Variants in GRIK4 observed in about 807,000 individuals in gnomAD.
GRIK4 encodes the protein glutamate receptor ionotropic, kainate 4.
A neutral mutation model predicts 104.9 loss-of-function variants in GRIK4; 40 were observed. The observed-to-expected ratio is 0.38, with a 90% CI of 0.30 to 0.50. The LOEUF is 0.50. Ranked by LOEUF, GRIK4 falls within the 20% of genes least tolerant of loss-of-function variation. The pLI is 0.93. For missense variants in GRIK4, 1,047 were observed against 1,308.1 expected, an observed-to-expected ratio of 0.80 and a Z score of 3.08; for synonymous variants, 485 against 524.9, an observed-to-expected ratio of 0.92 and a Z score of 1.04.
chr11:120,630,541 G>C (rs1274155346), intron 1 of GRIK4, among the ~76,000 whole-genome samples: 1 of 152,190 alleles, frequency 6.6e-6, no homozygotes, highest in Non-Finnish European at 1.5e-5. Context: ...GCAAAGAAAA[G>C]CAGACGCCGG....
At chr11:120,713,417 A>G (rs967822096) in intron 3 of GRIK4, among the ~76,000 whole-genome samples, 1 of 152,164 alleles carries the variant, frequency 6.6e-6, no homozygotes, top group Non-Finnish European at 1.5e-5. Context: ...AAACTCCATA[A>G]AGAGAGCAGG....
intron 3 of GRIK4, among the ~76,000 whole-genome samples, chr11:120,725,134 G>A (rs947023958): frequency 2.0e-5 from 3 of 152,226 alleles, no homozygotes; most frequent in East Asian, 3.9e-4. Context: ...ATAGAAAAGG[G>A]GCCTTACAAA....
chr11:120,748,738 A>G (rs1951492571), intron 3 of GRIK4, among the ~76,000 whole-genome samples: 1 of 152,124 alleles, frequency 6.6e-6, no homozygotes, highest in Admixed American at 6.6e-5. Flanking sequence ...CTCCCTGGTC[A>G]CCATTTGCTC....
At chr11:120,533,118 G>A (rs1770690756) in intron 1 of GRIK4, among the ~76,000 whole-genome samples, 1 of 152,148 alleles carries the variant, frequency 6.6e-6, no homozygotes, top group African/African-American at 2.4e-5. Flanking sequence ...CTTCCTGGAG[G>A]AGGAGTAACC....
chr11:120,860,976 G>A (rs192703786), intron 8 of GRIK4, among the ~76,000 whole-genome samples: 1 of 151,922 alleles, frequency 6.6e-6, no homozygotes, highest in African/African-American at 2.4e-5. Context: ...TATCCAGTGT[G>A]CTAACCCACA....
At chr11:120,626,331 G>C (rs911788857) in intron 1 of GRIK4, among the ~76,000 whole-genome samples, 1 of 152,132 alleles carries the variant, frequency 6.6e-6, no homozygotes, top group African/African-American at 2.4e-5. Context: ...AGGGGAAAAT[G>C]GGTTTAAATG....
At chr11:120,544,736 G>T (rs1328158782) in intron 1 of GRIK4, among the ~76,000 whole-genome samples, 1 of 152,168 alleles carries the variant, frequency 6.6e-6, no homozygotes, top group East Asian at 1.9e-4. Context: ...TGGAAAGGAG[G>T]TGTCTTGTGG....
chr11:120,553,273 T>C, intron 1 of GRIK4, among the ~76,000 whole-genome samples: 1 of 152,142 alleles, frequency 6.6e-6, no homozygotes, highest in East Asian at 1.9e-4. Context: ...GACAGGAGCC[T>C]TCTGAAGAGA....
chr11:120,584,443 C>T (rs1290190048), intron 1 of GRIK4, among the ~76,000 whole-genome samples: 2 of 152,176 alleles, frequency 1.3e-5, no homozygotes, highest in African/African-American at 4.8e-5. Context: ...AGCTTACAAT[C>T]ATGGTGGAAG....
chr11:120,650,496 T>TC (rs540872133), intron 1 of GRIK4, among the ~76,000 whole-genome samples: 5 of 152,248 alleles, frequency 3.3e-5, no homozygotes, highest in African/African-American at 1.2e-4. Context: ...GCTCTTCGCA[T>TC]CCCCCCTCCC....
chr11:120,845,961 G>A lies in GRIK4; in HGVS notation c.744+9117G>A, dbSNP rs148770962. On this transcript the variant is annotated intron_variant, in intron 8 of 20. Transcript: ENST00000527524. Reference sequence around the variant, plus strand: ...AACCCTGAGAGGTGGCAGGTCTGGCGGTGACAGATGTCTCCTGGGCGTGCT... The same window carrying A: ...AACCCTGAGAGGTGGCAGGTCTGGCAGTGACAGATGTCTCCTGGGCGTGCT... Among the ~76,000 whole-genome samples, 251 of 152,318 alleles carry A rather than the reference G, an allele frequency of 1.6e-3. 2 individuals are homozygous for A. Among genetic ancestry groups the A allele is most frequent in the African/African-American group, 5.7e-3 (237 of 41,564 alleles).
chr11:120,753,690 A>G (rs1328148727), intron 3 of GRIK4, among the ~76,000 whole-genome samples: 1 of 152,170 alleles, frequency 6.6e-6, no homozygotes, highest in Non-Finnish European at 1.5e-5. Flanking sequence ...GACAACAGGT[A>G]AGAGATGATG....
intron 13 of GRIK4, among the ~76,000 whole-genome samples, chr11:120,924,938 C>T (rs1431550095): frequency 6.6e-6 from 1 of 152,206 alleles, no homozygotes; most frequent in African/African-American, 2.4e-5. Flanking sequence ...GCAGTGGTTT[C>T]AACGTGTGCA....
chr11:120,545,733 C>T (rs1948079914), intron 1 of GRIK4, among the ~76,000 whole-genome samples: 1 of 152,184 alleles, frequency 6.6e-6, no homozygotes, highest in Admixed American at 6.5e-5. Flanking sequence ...TGAGTTTCAC[C>T]TGCCCTGGAA....
chr11:120,745,386 C>G (rs1420626983), intron 3 of GRIK4, among the ~76,000 whole-genome samples: 3 of 152,166 alleles, frequency 2.0e-5, no homozygotes, highest in African/African-American at 7.2e-5. Flanking sequence ...TGACAATGAG[C>G]CCATTACACT....
intron 10 of GRIK4, among the ~76,000 whole-genome samples, chr11:120,874,456 C>T (rs911591802): frequency 2.6e-5 from 4 of 152,328 alleles, no homozygotes; most frequent in Non-Finnish European, 5.9e-5. Context: ...CAACAGCCCT[C>T]GAGCCTTACA....
intron 3 of GRIK4, among the ~76,000 whole-genome samples, chr11:120,675,843 C>T (rs551633428): frequency 1.1e-4 from 16 of 152,210 alleles, no homozygotes; most frequent in African/African-American, 3.4e-4. Context: ...TAGTTATTAT[C>T]GATAGTTCTA....
At position 120,956,623 on chromosome 11, in the gene GRIK4, T is replaced by A. The variant is rs1017146377; in HGVS notation, c.1701-157T>A. Among the ~76,000 whole-genome samples the A allele has an allele frequency of 3.3e-5, 5 of 149,800 alleles. No individual in the cohort carries two copies. Among genetic ancestry groups the A allele is most frequent in the African/African-American group, 1.2e-4 (5 of 40,804 alleles). On this transcript the variant is annotated intron_variant, in intron 15 of 20. Coordinates refer to ENST00000527524, the MANE Select transcript of GRIK4 (RefSeq NM_014619.5). The surrounding 1 kb of genome is among the most constrained non-coding windows in gnomAD (Gnocchi z 4.6). ...AGTTCAACCCACTTATTTTATTTTA[T>A]TTTTTTTTTGGTTGCGAAACTCCAA...
intron 3 of GRIK4, among the ~76,000 whole-genome samples, chr11:120,710,514 C>G (rs1214903242): frequency 6.6e-6 from 1 of 152,196 alleles, no homozygotes. Flanking sequence ...GTGGGCATAA[C>G]GGCCCCCCCA....
Sources: gnomAD v4.1 joint callset for allele counts (sites outside exome capture counted in the v4.1 genomes callset) on GRCh38, gnomAD v4.1.1 for gene constraint, Gnocchi (gnomAD v3.1) non-coding constraint, MANE v1.5 for transcripts, NCBI Gene and HGNC (gene_info 2026-07-23, HGNC 2026-07-21) for gene names.